The following PLCG2 variants were observed in gnomAD, a reference collection of about 807,000 sequenced individuals.
The protein encoded by PLCG2 is 1-phosphatidylinositol 4,5-bisphosphate phosphodiesterase gamma-2.
A neutral mutation model predicts 175.6 loss-of-function variants in PLCG2; 69 were observed. The observed-to-expected ratio is 0.39, with a 90% CI of 0.32 to 0.48. The LOEUF is 0.48. PLCG2 is among the 20% of genes least tolerant of loss of function. The probability of loss-of-function intolerance (pLI) is 0.91; values close to 1 mark genes in which losing one functional copy is unlikely to be tolerated. For synonymous variants in PLCG2, 827 were observed against 624.0 expected (o/e 1.33, Z -4.85); for missense variants, 1,798 against 1,650.9 (o/e 1.09, Z -1.54).
rs1384698504 is a variant in PLCG2 at position 81,958,472 on chromosome 16, G to C, written c.*474G>C. The C allele has an allele frequency of 4.2e-6, 1 of 238,144 alleles. No individual in the cohort carries two copies. The highest frequency in any genetic ancestry group is 6.0e-5 in the East Asian group (1 of 16,674). The allele number at this position is 238,144 out of a possible 1,614,324, so 14.8% of individuals were successfully genotyped here. A position where few individuals can be genotyped will look rare whatever the true frequency, so the allele number is the denominator to read the frequency against. On this transcript the variant is annotated 3_prime_UTR_variant, in exon 33 of 33. Transcript: ENST00000564138. ...AACTCAAAGGCAAATGATTCCATAA[G>C]GGCCCAAAGAGAAGCCCTACCCACA... is the stretch of plus-strand genomic sequence containing the variant.
Position 81,870,902 on chromosome 16 carries a change from C to T in PLCG2, c.615C>T (p.Phe205=). 6.2e-7 allele frequency: 1 copy of T among 1,600,106 alleles called. No homozygotes were observed. The highest frequency in any genetic ancestry group is 8.5e-7 in the Non-Finnish European group (1 of 1,171,650). Residue 205 remains phenylalanine, a synonymous_variant, in exon 7 of 33, where the codon TTC becomes TTT. Transcript: ENST00000564138. ...TCAGCTTTGAACAGTTCCATCTCTT[C>T]TATAAAAAACTTATGTTTGAACAGC... ...DELSFEQFHL[F]YKKLMFEQQK...
chr16:81,781,138 C>T lies in PLCG2; in HGVS notation c.-48+1714C>T, dbSNP rs1000604601. Among the ~76,000 whole-genome samples the T allele has an allele frequency of 7.9e-5, 12 of 152,328 alleles. No individual in the cohort carries two copies. In the East Asian group the frequency reaches 2.1e-3, roughly 27 times the overall value. On this transcript the variant is annotated intron_variant, in intron 1 of 32. Transcript: ENST00000564138. ...CATCATCAGTTAATATAAATAAAGT[C>T]AAGTTGTATCCTCTACCCTCTCCCA...
intron 1 of PLCG2, among the ~76,000 whole-genome samples, chr16:81,744,872 T>C (rs1047170455): frequency 4.6e-5 from 7 of 152,106 alleles, no homozygotes; most frequent in Non-Finnish European, 7.3e-5. Flanking sequence ...AGCCCAGGAA[T>C]TGGAATTTTT....
At chr16:81,753,880 T>C (rs1271357043) in intron 1 of PLCG2, among the ~76,000 whole-genome samples, 1 of 152,070 alleles carries the variant, frequency 6.6e-6, no homozygotes, top group African/African-American at 2.4e-5. Flanking sequence ...GAGTGGGAAG[T>C]GGCTGCGGAG....
intron 2 of PLCG2, among the ~76,000 whole-genome samples, chr16:81,827,075 C>T (rs1905077209): frequency 6.6e-6 from 1 of 152,162 alleles, no homozygotes; most frequent in Non-Finnish European, 1.5e-5. Flanking sequence ...TGTGCTGTGG[C>T]CTAGGGCTGC....
chr16:81,752,121 A>G (rs1435453163), intron 1 of PLCG2, among the ~76,000 whole-genome samples: 8 of 152,178 alleles, frequency 5.3e-5, no homozygotes. Flanking sequence ...GGCCCCGTCT[A>G]TCACGTATGA....
At chr16:81,867,331 G>C (rs1335409922) in intron 5 of PLCG2, among the ~76,000 whole-genome samples, 2 of 152,352 alleles carry the variant, frequency 1.3e-5, no homozygotes, top group East Asian at 3.9e-4. Flanking sequence ...CCAGCCAGAA[G>C]GGTCTGGATC....
rs1382275823 is a variant in PLCG2, at chr16:81,919,497, G to T, written c.2068G>T (p.Val690Leu). The T allele has an allele frequency of 2.5e-6, 4 of 1,613,964 alleles. No individual in the cohort carries two copies. The highest frequency in any genetic ancestry group is 3.4e-6 in the Non-Finnish European group (4 of 1,179,966). The change falls in exon 20 of 33, where the codon GTA becomes TTA. Residue 690 changes from valine (V) to leucine (L), a missense_variant. Coordinates refer to ENST00000564138, the MANE Select transcript of PLCG2 (RefSeq NM_002661.5). ...TTCCTGCTCCAGGGCTAGGGGCAAG[G>T]TAAAGCATTGTCGCATCAACCGGGA... ...YAITFRARGK[V>L]KHCRINRDGR...
chr16:81,950,966 T>C (rs1245813704), intron 31 of PLCG2, among the ~76,000 whole-genome samples: 1 of 152,162 alleles, frequency 6.6e-6, no homozygotes, highest in East Asian at 1.9e-4. Flanking sequence ...ATAAAAAGAA[T>C]AAAACATTCT....
chr16:81,903,370 C>T (rs556505232), intron 14 of PLCG2, among the ~76,000 whole-genome samples: 5 of 152,298 alleles, frequency 3.3e-5, no homozygotes, highest in South Asian at 2.1e-4. Flanking sequence ...TTTGGCCAAG[C>T]ACAACCAGAG....
chr16:81,948,857 G>A (rs1911256522), intron 31 of PLCG2, among the ~76,000 whole-genome samples: 1 of 152,196 alleles, frequency 6.6e-6, no homozygotes, highest in Non-Finnish European at 1.5e-5. Flanking sequence ...TGGAAAAAGA[G>A]GAAGACAGAC....
At chr16:81,910,292 T>A (rs781692628) in intron 17 of PLCG2, among the ~76,000 whole-genome samples, 1 of 152,290 alleles carries the variant, frequency 6.6e-6, no homozygotes, top group South Asian at 2.1e-4. Context: ...GATTTCACTG[T>A]ATTGGCCAGG....
At chr16:81,910,789 C>T in intron 18 of PLCG2, 69 bp downstream of exon 18, 5 of 1,450,134 alleles carry the variant, frequency 3.4e-6, no homozygotes, top group East Asian at 2.3e-5. Flanking sequence ...GAGAAGCTGG[C>T]CTGGTGGTTC....
intron 31 of PLCG2, among the ~76,000 whole-genome samples, chr16:81,949,680 G>A (rs1290110267): frequency 1.3e-5 from 2 of 152,284 alleles, no homozygotes; most frequent in East Asian, 1.9e-4. Context: ...AATTAATTTT[G>A]CAGTACAGTT....
At position 81,871,183 on chromosome 16, in the gene PLCG2, G is replaced by A. The variant is rs974523096; in HGVS notation, c.648+248G>A. ...TGCCTTCCTGGTGGAAATGCGAATG[G>A]CCATAAGTTTGATTGGAATTTGATC... On this transcript the variant is annotated intron_variant, in intron 7 of 32. Coordinates refer to ENST00000564138, the MANE Select transcript of PLCG2 (RefSeq NM_002661.5). Among the ~76,000 whole-genome samples, 6 of 152,156 alleles carry A rather than the reference G, an allele frequency of 3.9e-5. No individual in the cohort carries two copies. In the East Asian group the frequency reaches 5.8e-4, roughly 15 times the overall value.
At chr16:81,956,967 C>T (rs902963125) in intron 32 of PLCG2, 88 bp downstream of exon 32, 45 of 1,153,140 alleles carry the variant, frequency 3.9e-5, no homozygotes, top group Non-Finnish European at 5.2e-5. Context: ...TCTGGAAAGC[C>T]CTCTGAGTTG....
intron 2 of PLCG2, among the ~76,000 whole-genome samples, chr16:81,795,604 T>A (rs1310936136): frequency 6.6e-6 from 1 of 152,112 alleles, no homozygotes; most frequent in Admixed American, 6.5e-5. Flanking sequence ...GTGTGACCAC[T>A]GCATGGAGGA....
chr16:81,827,051 C>G (rs1263171560), intron 2 of PLCG2, among the ~76,000 whole-genome samples: 2 of 152,196 alleles, frequency 1.3e-5, no homozygotes, highest in Non-Finnish European at 2.9e-5. Context: ...TTGCAGATTC[C>G]TAAGCCCCAT....
intron 12 of PLCG2, among the ~76,000 whole-genome samples, chr16:81,894,781 A>G (rs1208583225): frequency 1.3e-5 from 2 of 151,876 alleles, no homozygotes; most frequent in Non-Finnish European, 2.9e-5. Flanking sequence ...GCCGAGGCAC[A>G]GGAATCACTT....
Sources: gnomAD v4.1 joint callset for allele counts (sites outside exome capture counted in the v4.1 genomes callset) on GRCh38, gnomAD v4.1.1 for gene constraint, MANE v1.5 for transcripts, NCBI Gene and HGNC (gene_info 2026-07-23, HGNC 2026-07-21) for gene names.